BRINP3: variants seen among roughly 807,000 people sequenced by gnomAD.
BRINP3 encodes the protein BMP/retinoic acid inducible neural specific 3.
Under a neutral mutation model 71.0 loss-of-function variants are expected in BRINP3, and 19 were observed. The observed-to-expected ratio is 0.27, with a 90% CI of 0.19 to 0.39. The LOEUF is 0.39. Among genes scored for constraint, BRINP3 ranks in the 10% least tolerant of loss-of-function variants. The pLI is 1.00. For missense variants in BRINP3, 959 were observed against 940.8 expected (o/e 1.02, Z -0.25); for synonymous variants, 380 against 337.7 (o/e 1.13, Z -1.37).
chr1:190,354,432 T>C (rs1262773607), intron 2 of BRINP3, among the ~76,000 whole-genome samples: 2 of 151,954 alleles, frequency 1.3e-5, no homozygotes, highest in Non-Finnish European at 2.9e-5. Flanking sequence ...AATGGTATCA[T>C]CTATGCTGGA....
At chr1:190,283,499 T>C (rs1663194295) in intron 2 of BRINP3, among the ~76,000 whole-genome samples, 2 of 151,826 alleles carry the variant, frequency 1.3e-5, no homozygotes, top group African/African-American at 4.8e-5. Context: ...TATTATAATG[T>C]TCCCTCAAAA....
chr1:190,167,064 G>A (rs1380696867), intron 6 of BRINP3, among the ~76,000 whole-genome samples: 1 of 151,878 alleles, frequency 6.6e-6, no homozygotes, highest in Non-Finnish European at 1.5e-5. Flanking sequence ...TAGCACATGA[G>A]TAGGTTTCCC....
intron 3 of BRINP3, among the ~76,000 whole-genome samples, chr1:190,273,675 C>A (rs904719069): frequency 6.6e-6 from 1 of 151,386 alleles, no homozygotes; most frequent in African/African-American, 2.4e-5. Context: ...TTTTTCCATT[C>A]TGATCTTTAA....
At chr1:190,397,031 C>A (rs1212964892) in intron 2 of BRINP3, among the ~76,000 whole-genome samples, 4 of 151,746 alleles carry the variant, frequency 2.6e-5, no homozygotes, top group African/African-American at 4.8e-5. Context: ...GGTGATGAGT[C>A]AAAATGCAAT....
At chr1:190,229,550 A>C (rs1040488001) in intron 5 of BRINP3, among the ~76,000 whole-genome samples, 8 of 151,814 alleles carry the variant, frequency 5.3e-5, no homozygotes, top group Non-Finnish European at 8.8e-5. Flanking sequence ...CAAAGTACAA[A>C]TTGACATTTA....
chr1:190,246,854 A>C (rs1044772320), intron 4 of BRINP3, among the ~76,000 whole-genome samples: 2 of 151,970 alleles, frequency 1.3e-5, no homozygotes, highest in Non-Finnish European at 2.9e-5. Flanking sequence ...CAAATCTATT[A>C]TCAGTGAAGA....
At chr1:190,207,718 G>A (rs74131317) in intron 6 of BRINP3, among the ~76,000 whole-genome samples, 1,738 of 152,154 alleles carry the variant, frequency 0.011, 25 homozygotes, top group African/African-American at 0.038. Flanking sequence ...ACTTCACAAA[G>A]TTTCCATTTA....
intron 1 of BRINP3, among the ~76,000 whole-genome samples, chr1:190,475,419 C>A (rs1046331460): frequency 6.6e-6 from 1 of 152,120 alleles, no homozygotes; most frequent in Non-Finnish European, 1.5e-5. Flanking sequence ...GGATGGAAAC[C>A]CCCTGGCGCA....
At chr1:190,417,493 A>T (rs1199267562) in intron 2 of BRINP3, among the ~76,000 whole-genome samples, 1 of 152,112 alleles carries the variant, frequency 6.6e-6, no homozygotes, top group African/African-American at 2.4e-5. Context: ...TGCATTACTG[A>T]TACAATATTT....
intron 2 of BRINP3, among the ~76,000 whole-genome samples, chr1:190,373,020 C>T (rs1474266798): frequency 6.6e-6 from 1 of 152,038 alleles, no homozygotes; most frequent in African/African-American, 2.4e-5. Flanking sequence ...CATTAAATAT[C>T]CCCAAGACAT....
chr1:190,152,388 C>G (rs1485161096), intron 7 of BRINP3, among the ~76,000 whole-genome samples: 1 of 151,766 alleles, frequency 6.6e-6, no homozygotes, highest in East Asian at 1.9e-4. Flanking sequence ...TTTACACTTT[C>G]TCATTGTTGT....
intron 3 of BRINP3, among the ~76,000 whole-genome samples, chr1:190,278,557 A>G (rs760186874): frequency 6.6e-6 from 1 of 151,712 alleles, no homozygotes; most frequent in Non-Finnish European, 1.5e-5. Context: ...AGCTATTTAA[A>G]TAATTTCATG....
At chr1:190,158,598 C>T (rs527604142) in intron 7 of BRINP3, among the ~76,000 whole-genome samples, 33 of 151,938 alleles carry the variant, frequency 2.2e-4, no homozygotes, top group Middle Eastern at 3.4e-3. Context: ...ACATTTACCA[C>T]CTGAATCTAA....
At chr1:190,409,833 CTCTT>C (rs1207809027) in intron 2 of BRINP3, among the ~76,000 whole-genome samples, 1 of 151,996 alleles carries the variant, frequency 6.6e-6, no homozygotes, top group Non-Finnish European at 1.5e-5. Flanking sequence ...AAATATTTGA[CTCTT>C]TATGGGTAAA....
chr1:190,204,904 G>T (rs1655357800), intron 6 of BRINP3, among the ~76,000 whole-genome samples: 1 of 151,600 alleles, frequency 6.6e-6, no homozygotes, highest in Non-Finnish European at 1.5e-5. Flanking sequence ...ATCCATTATT[G>T]GTTCCTTCTT....
chr1:190,394,836 G>T (rs996602901), intron 2 of BRINP3, among the ~76,000 whole-genome samples: 5 of 151,410 alleles, frequency 3.3e-5, no homozygotes, highest in African/African-American at 1.2e-4. Context: ...AATTAACTCT[G>T]GGGAGTACAC....
intron 2 of BRINP3, among the ~76,000 whole-genome samples, chr1:190,402,858 A>G (rs1389631717): frequency 6.6e-6 from 1 of 152,044 alleles, no homozygotes; most frequent in Non-Finnish European, 1.5e-5. Context: ...CAGCCTCCTG[A>G]GGAGCTAGGA....
intron 2 of BRINP3, among the ~76,000 whole-genome samples, chr1:190,303,280 G>A (rs1335696840): frequency 1.3e-5 from 2 of 151,708 alleles, no homozygotes; most frequent in South Asian, 2.1e-4. Context: ...CTCTTATAGT[G>A]ATAATTTAAA....
At chr1:190,221,016 G>A (rs970090691) in intron 6 of BRINP3, among the ~76,000 whole-genome samples, 3 of 152,016 alleles carry the variant, frequency 2.0e-5, no homozygotes, top group African/African-American at 4.8e-5. Context: ...AGAGGAGTTC[G>A]AGACCAGCCT....
Sources: gnomAD v4.1 joint callset for allele counts (sites outside exome capture counted in the v4.1 genomes callset) on GRCh38, gnomAD v4.1.1 for gene constraint, MANE v1.5 for transcripts, NCBI Gene and HGNC (gene_info 2026-07-23, HGNC 2026-07-21) for gene names.